The following KDM6A variants were observed in gnomAD, a reference collection of about 807,000 sequenced individuals.
KDM6A encodes lysine-specific demethylase 6A.
Under a neutral mutation model 117.6 loss-of-function variants are expected in KDM6A, and 11 were observed. That is an observed-to-expected ratio of 0.09 (90% CI 0.06 to 0.15). KDM6A has a LOEUF of 0.15. KDM6A is among the 10% of genes least tolerant of loss of function. The pLI, the probability that KDM6A is intolerant of heterozygous loss-of-function variation, is 1.00. For synonymous variants in KDM6A, 384 were observed against 396.1 expected, an observed-to-expected ratio of 0.97 and a Z score of 0.36; for missense variants, 799 against 1,077.3, an observed-to-expected ratio of 0.74 and a Z score of 3.62.
Position 45,104,530 on chromosome X carries a change from A to G in KDM6A, c.4035-2880A>G, listed in dbSNP as rs748263951. 3.6e-5 allele frequency among the ~76,000 whole-genome samples: 4 copies of G among 112,041 alleles called. No homozygotes were observed. In the East Asian group the frequency reaches 1.1e-3, roughly 31 times the overall value. On this transcript the variant is annotated intron_variant, in intron 27 of 29. Coordinates refer to ENST00000611820, the MANE Select transcript of KDM6A (RefSeq NM_001291415.2). ...AGTCTTAAATATTATATGTTTCTTT[A>G]CTACGATCCTTTCCCTAAATCACTT...
In KDM6A at chrX:45,089,457, C is replaced by G. The variant is rs750955857; in HGVS notation, c.3705-286C>G. Among the ~76,000 whole-genome samples the G allele has an allele frequency of 1.8e-3, 187 of 106,157 alleles. 1 individual carries two copies. Among genetic ancestry groups the G allele is most frequent in the African/African-American group, 6.3e-3 (180 of 28,794 alleles). The allele number at this position is 106,157 out of a possible 115,157, so 92.2% of individuals were successfully genotyped here. On this transcript the variant is annotated intron_variant, in intron 25 of 29. Coordinates refer to ENST00000611820, the MANE Select transcript of KDM6A (RefSeq NM_001291415.2). ...AGGAGAATTGCTTGAGCCCAGGAGG[C>G]GGAGGTTGCAGTGAGCCTAGATGGA... is the stretch of plus-strand genomic sequence containing the variant.
chrX:44,901,777 A>C (rs979704811), intron 2 of KDM6A, among the ~76,000 whole-genome samples: 1 of 112,254 alleles, frequency 8.9e-6, no homozygotes, highest in Admixed American at 9.4e-5. Context: ...TGTATATTCA[A>C]AGTTCATTTT....
intron 2 of KDM6A, among the ~76,000 whole-genome samples, chrX:44,881,586 C>T (rs2032295773): frequency 9.0e-6 from 1 of 110,613 alleles, no homozygotes; most frequent in African/African-American, 3.3e-5. Flanking sequence ...TCCTTATATT[C>T]CATCATTTGT....
At chrX:44,911,242 C>G (rs959324076) in intron 2 of KDM6A, among the ~76,000 whole-genome samples, 1 of 109,275 alleles carries the variant, frequency 9.2e-6, no homozygotes, top group Admixed American at 9.5e-5. Context: ...GGGCGGCTGC[C>G]GGGCGGAGGG....
intron 3 of KDM6A, among the ~76,000 whole-genome samples, chrX:44,973,812 T>C (rs1345964499): frequency 1.8e-5 from 2 of 111,355 alleles, no homozygotes; most frequent in Non-Finnish European, 3.8e-5. Flanking sequence ...TTAATCTTTT[T>C]ATTGAATTAT....
intron 3 of KDM6A, among the ~76,000 whole-genome samples, chrX:44,967,637 A>G (rs1162290870): frequency 1.8e-5 from 2 of 111,901 alleles, no homozygotes; most frequent in African/African-American, 6.5e-5. Context: ...CTATTTCTAT[A>G]GTAGAAAATG....
intron 2 of KDM6A, among the ~76,000 whole-genome samples, chrX:44,942,660 A>G (rs1448428102): frequency 3.7e-5 from 4 of 109,304 alleles, no homozygotes; most frequent in Non-Finnish European, 7.6e-5. Context: ...GATGGCCTTT[A>G]TATCTCTATA....
chrX:45,007,077 G>A (rs565629381), intron 4 of KDM6A, among the ~76,000 whole-genome samples: 10 of 112,205 alleles, frequency 8.9e-5, no homozygotes, highest in Non-Finnish European at 1.3e-4. Context: ...AAAGTGGACC[G>A]GTCAAGAGCA....
chrX:44,916,652 A>AT (rs901628790), intron 2 of KDM6A, among the ~76,000 whole-genome samples: 15 of 109,907 alleles, frequency 1.4e-4, no homozygotes, highest in Admixed American at 8.8e-4. Context: ...TTAAAAAATT[A>AT]TTTTTTTTAT....
At chrX:45,076,584 G>A in intron 18 of KDM6A, 113 bp from the exon 19 acceptor site, 1 of 536,018 alleles carries the variant, frequency 1.9e-6, no homozygotes, top group Non-Finnish European at 3.1e-6. Flanking sequence ...CACATCTCAT[G>A]GACTTGTGCA....
At position 45,037,291 on chromosome X, in the gene KDM6A, T is replaced by C. The variant is rs373011964; in HGVS notation, c.620-364T>C. 4.4e-5 allele frequency among the ~76,000 whole-genome samples: 5 copies of C among 112,412 alleles called. No homozygotes were observed. The East Asian group carries it at 1.1e-3, about 25-fold the overall frequency. The stretch of plus-strand genomic sequence containing the variant: ...CTTGGGATTCAGTTTTTAAATACTG[T>C]GTTTTGAAATGTATAGATTATAAAG... On this transcript the variant is annotated intron_variant, in intron 7 of 29. Coordinates refer to ENST00000611820, the MANE Select transcript of KDM6A (RefSeq NM_001291415.2).
intron 2 of KDM6A, among the ~76,000 whole-genome samples, chrX:44,955,618 C>T (rs2038282365): frequency 9.0e-6 from 1 of 110,967 alleles, no homozygotes; most frequent in Admixed American, 9.6e-5. Flanking sequence ...AAACTTTATA[C>T]CCATTAAACA....
chrX:45,008,220 A>T (rs1242155013), intron 4 of KDM6A, among the ~76,000 whole-genome samples: 1 of 110,308 alleles, frequency 9.1e-6, no homozygotes, highest in African/African-American at 3.3e-5. Flanking sequence ...TAAAAATACA[A>T]AAAATTAGCT....
chrX:45,054,196 G>C (rs188662761), intron 10 of KDM6A, among the ~76,000 whole-genome samples: 1 of 111,059 alleles, frequency 9.0e-6, no homozygotes, highest in Non-Finnish European at 1.9e-5. Flanking sequence ...ATTTTTATTT[G>C]ATTTGAGTTA....
intron 2 of KDM6A, among the ~76,000 whole-genome samples, chrX:44,913,626 T>C: frequency 9.0e-6 from 1 of 110,768 alleles, no homozygotes; most frequent in East Asian, 2.8e-4. Context: ...ATATTATTGG[T>C]AAGACTTCTG....
At chrX:44,954,863 G>A (rs2038227423) in intron 2 of KDM6A, among the ~76,000 whole-genome samples, 1 of 111,131 alleles carries the variant, frequency 9.0e-6, no homozygotes, top group Non-Finnish European at 1.9e-5. Context: ...TGGCAGTAAC[G>A]GTGTAGTACG....
intron 17 of KDM6A, among the ~76,000 whole-genome samples, chrX:45,066,017 G>A (rs7882149): frequency 0.22 from 24,328 of 110,933 alleles, 4,349 homozygotes; most frequent in African/African-American, 0.61. Context: ...TTTACCCCAC[G>A]ACCTGTGTTT....
Position 44,974,650 on chromosome X carries a change from A to G in KDM6A, c.335-16A>G. ...AAGTGAGACATAATTATGACTCATA[A>G]TTATTTTCCTTTCAGCATTATCTGC... On this transcript the variant is annotated splice_polypyrimidine_tract_variant and intron_variant, in intron 3 of 29. Transcript: ENST00000611820. The G allele has an allele frequency of 8.9e-7, 1 of 1,125,751 alleles. No individual in the cohort carries two copies. The highest frequency in any genetic ancestry group is 1.2e-6 in the Non-Finnish European group (1 of 817,477). The allele number at this position is 1,125,751 out of a possible 1,213,427, so 92.8% of individuals were successfully genotyped here. A position where few individuals can be genotyped will look rare whatever the true frequency, so the allele number is the denominator to read the frequency against.
intron 2 of KDM6A, among the ~76,000 whole-genome samples, chrX:44,884,199 G>C (rs1906577429): frequency 9.3e-6 from 1 of 107,357 alleles, no homozygotes; most frequent in African/African-American, 3.4e-5. Context: ...AGGGTAGCAT[G>C]TTTCAGTGGG....
Sources: allele counts gnomAD v4.1 joint callset (sites outside exome capture counted in the v4.1 genomes callset), GRCh38; gene constraint gnomAD v4.1.1; transcripts MANE v1.5; gene names NCBI Gene and HGNC (gene_info 2026-07-23, HGNC 2026-07-21).